RNLS: variants seen among roughly 807,000 people sequenced by gnomAD.
The protein encoded by RNLS is renalase.
Under a neutral mutation model 39.8 loss-of-function variants are expected in RNLS, and 39 were observed. The ratio of observed to expected loss-of-function variants is 0.98; its 90% confidence interval spans 0.76 to 1.28. The LOEUF (loss-of-function observed/expected upper bound fraction) is 1.28. Ranked by LOEUF, RNLS falls within the 50% of genes most tolerant of loss-of-function variation. The probability of loss-of-function intolerance (pLI) is 0.00; values close to 1 mark genes in which losing one functional copy is unlikely to be tolerated. For synonymous variants in RNLS, 147 were observed against 150.7 expected, an observed-to-expected ratio of 0.98 and a Z score of 0.18; for missense variants, 410 against 413.3, an observed-to-expected ratio of 0.99 and a Z score of 0.07.
At chr10:88,570,166 C>T (rs1374722240) in intron 4 of RNLS, among the ~76,000 whole-genome samples, 1 of 152,162 alleles carries the variant, frequency 6.6e-6, no homozygotes, top group Non-Finnish European at 1.5e-5. Flanking sequence ...CTCAATCACT[C>T]TCATGGACAT....
chr10:88,397,619 T>C (rs993123114), intron 4 of RNLS, among the ~76,000 whole-genome samples: 28 of 151,754 alleles, frequency 1.8e-4, no homozygotes, highest in African/African-American at 6.8e-4. Context: ...ATAATAACTA[T>C]TAGAATACAG....
At chr10:88,354,037 G>A (rs1487824290) in intron 5 of RNLS, among the ~76,000 whole-genome samples, 1 of 152,096 alleles carries the variant, frequency 6.6e-6, no homozygotes, top group Non-Finnish European at 1.5e-5. Context: ...TGCAACCCCT[G>A]CCTTTGTTTT....
intron 4 of RNLS, among the ~76,000 whole-genome samples, chr10:88,539,516 C>G (rs1847938333): frequency 1.3e-5 from 2 of 152,050 alleles, no homozygotes; most frequent in Admixed American, 1.3e-4. Context: ...CCCAGTTTGG[C>G]CTATTTTCTT....
the RNLS span, among the ~76,000 whole-genome samples, chr10:88,268,465 T>C: frequency 1.3e-5 from 2 of 152,170 alleles, no homozygotes; most frequent in Non-Finnish European, 1.5e-5. Context: ...AATAGGACCA[T>C]GTGGGAGGTG....
Position 88,575,221 on chromosome 10 carries a change from TATATATATATATACAC to T in RNLS, c.368-2176_368-2161del, listed in dbSNP as rs1485729942. ...CTATATATATATGTGTGTGTATATATATATATATATATACACATATATATACACCAAGGTGTATATG... is the reference window on the plus strand; with the variant it reads ...CTATATATATATGTGTGTGTATATATATATATATACACCAAGGTGTATATG... On this transcript the variant is annotated intron_variant, in intron 3 of 6. Coordinates refer to ENST00000331772, the MANE Select transcript of RNLS (RefSeq NM_001031709.3). Among the ~76,000 whole-genome samples, 1,186 of 141,618 alleles carry T rather than the reference TATATATATATATACAC, an allele frequency of 8.4e-3. 20 individuals carry two copies. Among genetic ancestry groups the T allele is most frequent in the African/African-American group, 0.029 (1,126 of 38,550 alleles). The allele number at this position is 141,618 out of a possible 152,430, so 92.9% of individuals were successfully genotyped here.
At chr10:88,432,183 A>AT (rs1430096674) in intron 4 of RNLS, among the ~76,000 whole-genome samples, 1 of 151,684 alleles carries the variant, frequency 6.6e-6, no homozygotes, top group African/African-American at 2.4e-5. Context: ...GTTCTTTTGA[A>AT]TTAGCCCACT....
chr10:88,313,070 G>T (rs1174390929), intron 6 of RNLS, among the ~76,000 whole-genome samples: 2 of 152,072 alleles, frequency 1.3e-5, no homozygotes, highest in Admixed American at 1.3e-4. Context: ...TCATTGCTAG[G>T]GTTTGGAGGT....
chr10:88,426,897 T>A (rs751433328), intron 4 of RNLS, among the ~76,000 whole-genome samples: 1 of 151,994 alleles, frequency 6.6e-6, no homozygotes, highest in African/African-American at 2.4e-5. Context: ...CAGTTAAACC[T>A]AAGAAAAGCT....
In RNLS at chr10:88,358,681, C is replaced by T. The variant is rs192578400; in HGVS notation, c.700+3871G>A. On this transcript the variant is annotated intron_variant, in intron 5 of 6. Transcript: ENST00000331772. Reference sequence around the variant, plus strand: ...ATTCATAACTATTGTTACTTGAAGTCGGTCTAGTACATCTTGGAATCTACT... The same window carrying T: ...ATTCATAACTATTGTTACTTGAAGTTGGTCTAGTACATCTTGGAATCTACT... Among the ~76,000 whole-genome samples the T allele has an allele frequency of 2.5e-3, 379 of 152,290 alleles. 4 individuals carry two copies. Among genetic ancestry groups the T allele is most frequent in the African/African-American group, 7.7e-3 (320 of 41,566 alleles).
intron 4 of RNLS, among the ~76,000 whole-genome samples, chr10:88,420,682 C>T (rs575482481): frequency 5.6e-4 from 85 of 152,330 alleles, no homozygotes; most frequent in African/African-American, 1.9e-3. Context: ...AACTTAATTA[C>T]ATCTGCTAAG....
At chr10:88,304,751 C>T (rs1844801076) in intron 6 of RNLS, among the ~76,000 whole-genome samples, 1 of 151,938 alleles carries the variant, frequency 6.6e-6, no homozygotes, top group Admixed American at 6.6e-5. Context: ...AGAATAGAAC[C>T]AACTTGGAAA....
At chr10:88,537,743 G>A (rs1012662964) in intron 4 of RNLS, among the ~76,000 whole-genome samples, 2 of 152,082 alleles carry the variant, frequency 1.3e-5, no homozygotes, top group African/African-American at 2.4e-5. Flanking sequence ...AGCTAAGGGG[G>A]GCTTCTCAAG....
chr10:88,563,021 T>C (rs1055741905), intron 4 of RNLS, among the ~76,000 whole-genome samples: 2 of 152,156 alleles, frequency 1.3e-5, no homozygotes, highest in African/African-American at 2.4e-5. Context: ...ATGTGTAAGA[T>C]CTTATGATAA....
At chr10:88,565,080 G>T (rs1723994351) in intron 4 of RNLS, among the ~76,000 whole-genome samples, 2 of 152,154 alleles carry the variant, frequency 1.3e-5, no homozygotes, top group African/African-American at 2.4e-5. Context: ...GAAACATGTA[G>T]TACATTCCTA....
chr10:88,205,009 A>C, the RNLS span, among the ~76,000 whole-genome samples: 1 of 152,176 alleles, frequency 6.6e-6, no homozygotes, highest in African/African-American at 2.4e-5. Context: ...GAGATGCATA[A>C]GAAGCCATGG....
chr10:88,277,378 G>A (rs1842849506), intron 6 of RNLS, among the ~76,000 whole-genome samples: 3 of 152,124 alleles, frequency 2.0e-5, no homozygotes, highest in South Asian at 4.2e-4. Context: ...GCCTAATGTG[G>A]ATGACGAGTT....
the RNLS span, among the ~76,000 whole-genome samples, chr10:88,210,830 A>G: frequency 6.6e-6 from 1 of 151,514 alleles, no homozygotes; most frequent in Non-Finnish European, 1.5e-5. Context: ...TTATTTTCAA[A>G]CTCCTTGTGG....
In RNLS at chr10:88,299,098, T is replaced by C. The variant is rs555815053; in HGVS notation, c.877-13592A>G. 7.6e-4 allele frequency among the ~76,000 whole-genome samples: 116 copies of C among 152,300 alleles called. 1 individual carries two copies. The South Asian group carries it at 0.012, about 16-fold the overall frequency. On this transcript the variant is annotated intron_variant, in intron 6 of 6. Coordinates refer to ENST00000331772, the MANE Select transcript of RNLS (RefSeq NM_001031709.3). ...GTCTTTTGCCCATTTTTTAGATAAT[T>C]GTGCTGTTTGTTTTTTAAATTATTG...
the RNLS span, among the ~76,000 whole-genome samples, chr10:88,224,010 T>C: frequency 3.4e-5 from 5 of 146,876 alleles, no homozygotes; most frequent in East Asian, 4.0e-4. Flanking sequence ...ATTAGCAATA[T>C]TGGACCATGC....
Sources: allele counts gnomAD v4.1 joint callset (sites outside exome capture counted in the v4.1 genomes callset), GRCh38; gene constraint gnomAD v4.1.1; transcripts MANE v1.5; gene names NCBI Gene and HGNC (gene_info 2026-07-23, HGNC 2026-07-21).